Variants in CAMTA1 observed in about 807,000 individuals in gnomAD.
CAMTA1 encodes the protein calmodulin-binding transcription activator 1.
A neutral mutation model predicts 170.9 loss-of-function variants in CAMTA1; 27 were observed. That is an observed-to-expected ratio of 0.16 (90% CI 0.12 to 0.22). CAMTA1 has a LOEUF of 0.22. Ranked by LOEUF, CAMTA1 falls within the 10% of genes least tolerant of loss-of-function variation. CAMTA1 has a pLI of 1.00. For synonymous variants in CAMTA1, 833 were observed against 891.5 expected, an observed-to-expected ratio of 0.93 and a Z score of 1.17; for missense variants, 1,619 against 2,217.2, an observed-to-expected ratio of 0.73 and a Z score of 5.42.
chr1:6,830,279 C>T (rs1238146801), intron 3 of CAMTA1, among the ~76,000 whole-genome samples: 1 of 150,868 alleles, frequency 6.6e-6, no homozygotes, highest in Admixed American at 6.6e-5. Context: ...CTCCTGACCT[C>T]GTGATCCGCC....
intron 3 of CAMTA1, among the ~76,000 whole-genome samples, chr1:6,910,064 T>G (rs1679373298): frequency 6.6e-6 from 1 of 152,234 alleles, no homozygotes; most frequent in Admixed American, 6.5e-5. Context: ...GCAATCCTTG[T>G]TTGCTTTTGG....
chr1:6,882,661 G>A (rs1224210704), intron 3 of CAMTA1, among the ~76,000 whole-genome samples: 1 of 152,102 alleles, frequency 6.6e-6, no homozygotes, highest in African/African-American at 2.4e-5. Context: ...TCAATAGGCA[G>A]TCGTATGTTT....
intron 5 of CAMTA1, among the ~76,000 whole-genome samples, chr1:7,376,711 G>T (rs1015536029): frequency 7.2e-5 from 11 of 152,190 alleles, no homozygotes; most frequent in African/African-American, 2.2e-4. Flanking sequence ...ATGGAGGATG[G>T]TGGAGCTAGG....
At chr1:7,021,399 CTCTT>C (rs1701323693) in intron 3 of CAMTA1, among the ~76,000 whole-genome samples, 1 of 151,922 alleles carries the variant, frequency 6.6e-6, no homozygotes, top group Non-Finnish European at 1.5e-5. Context: ...CTCAGCTTCT[CTCTT>C]TGTCTGTCTG....
intron 4 of CAMTA1, among the ~76,000 whole-genome samples, chr1:7,135,775 T>G (rs1645505907): frequency 6.6e-6 from 1 of 152,174 alleles, no homozygotes. Flanking sequence ...TGACTCTCTA[T>G]CTGTCGTAAT....
chr1:6,864,907 T>C (rs550908523), intron 3 of CAMTA1, among the ~76,000 whole-genome samples: 2 of 152,194 alleles, frequency 1.3e-5, no homozygotes, highest in African/African-American at 2.4e-5. Flanking sequence ...CTGTTACCTG[T>C]ACTGAGCCTG....
At chr1:6,915,608 G>A (rs1335754560) in intron 3 of CAMTA1, among the ~76,000 whole-genome samples, 3 of 152,198 alleles carry the variant, frequency 2.0e-5, no homozygotes, top group Admixed American at 2.0e-4. Flanking sequence ...AGAAGGAGAG[G>A]ACTGTGGGAG....
At chr1:7,016,879 C>G (rs1437541154) in intron 3 of CAMTA1, among the ~76,000 whole-genome samples, 9 of 152,112 alleles carry the variant, frequency 5.9e-5, no homozygotes, top group Non-Finnish European at 1.3e-4. Flanking sequence ...TTCATTGCCT[C>G]TCTGTATTCT....
In CAMTA1 at chr1:7,093,212, A is replaced by G. The variant is rs546498161; in HGVS notation, c.302+1841A>G. Among the ~76,000 whole-genome samples, 99 of 152,234 alleles carry G rather than the reference A, an allele frequency of 6.5e-4. No individual in the cohort carries two copies. Among genetic ancestry groups the G allele is most frequent in the Non-Finnish European group, 1.2e-3 (84 of 68,004 alleles). On this transcript the variant is annotated intron_variant, in intron 4 of 22. Transcript: ENST00000303635. The surrounding 1 kb of genome is among the most constrained non-coding windows in gnomAD (Gnocchi z 4.6). ...CTCATTAAAATGCGGGCCCCACCCT[A>G]GGGTTTCTGATTCAGCAGGTGCGGT...
At chr1:6,892,597 CT>C (rs70984032) in intron 3 of CAMTA1, among the ~76,000 whole-genome samples, 36,464 of 120,630 alleles carry the variant, frequency 0.3, 4,071 homozygotes, top group Non-Finnish European at 0.36. Flanking sequence ...TTTTTCTTTT[CT>C]TTTTTTTTTT....
chr1:7,238,806 C>T (rs1330846709), intron 4 of CAMTA1, among the ~76,000 whole-genome samples: 2 of 152,196 alleles, frequency 1.3e-5, no homozygotes, highest in Non-Finnish European at 2.9e-5. Context: ...TTGCTTGAAC[C>T]CGGGAGGTGC....
chr1:7,742,789 T>C (rs2096827913), intron 16 of CAMTA1, among the ~76,000 whole-genome samples: 1 of 152,202 alleles, frequency 6.6e-6, no homozygotes, highest in Admixed American at 6.5e-5. Context: ...TCCTACCGTT[T>C]GAGTCACAAA....
At chr1:7,716,126 G>A (rs1041173644) in intron 11 of CAMTA1, among the ~76,000 whole-genome samples, 1 of 152,128 alleles carries the variant, frequency 6.6e-6, no homozygotes, top group African/African-American at 2.4e-5. Flanking sequence ...TCCACCTTCT[G>A]GGCTCACGTG....
In CAMTA1 at chr1:7,224,294, G is replaced by C. The variant is rs1661314141; in HGVS notation, c.303-25197G>C. ...GCTCAAGGTCAGGCTGTGCCCAGTG[G>C]CCGAGGCGCTTGGTGAGCTTTCCAC... On this transcript the variant is annotated intron_variant, in intron 4 of 22. Transcript: ENST00000303635. This position sits in a 1 kb window ranked among gnomAD's most constrained non-coding sequence, Gnocchi z 5.2. 6.6e-6 allele frequency among the ~76,000 whole-genome samples: 1 copy of C among 152,120 alleles called. No homozygotes were observed.
At chr1:6,900,653 A>C (rs1235887957) in intron 3 of CAMTA1, among the ~76,000 whole-genome samples, 2 of 152,220 alleles carry the variant, frequency 1.3e-5, no homozygotes, top group African/African-American at 2.4e-5. Context: ...AAACAATTGG[A>C]AGAGGAAACT....
intron 3 of CAMTA1, among the ~76,000 whole-genome samples, chr1:6,864,901 T>TA (rs779248261): frequency 7.9e-5 from 12 of 152,162 alleles, no homozygotes; most frequent in Non-Finnish European, 1.6e-4. Flanking sequence ...GTGTCCCTGT[T>TA]ACCTGTACTG....
intron 22 of CAMTA1, among the ~76,000 whole-genome samples, chr1:7,763,896 G>C (rs528504170): frequency 2.6e-5 from 4 of 152,176 alleles, no homozygotes; most frequent in Admixed American, 2.0e-4. Context: ...TTGTGAATGA[G>C]GTCTGTGCTA....
intron 11 of CAMTA1, among the ~76,000 whole-genome samples, chr1:7,724,150 A>G (rs1463757155): frequency 6.6e-6 from 1 of 152,208 alleles, no homozygotes; most frequent in African/African-American, 2.4e-5. Flanking sequence ...AAGTAAAGGA[A>G]TATGGAGAAA....
chr1:7,297,508 A>G (rs1574503244), intron 5 of CAMTA1, among the ~76,000 whole-genome samples: 1 of 152,192 alleles, frequency 6.6e-6, no homozygotes, highest in Non-Finnish European at 1.5e-5. Context: ...GACTTCTAGT[A>G]TCTCTGCTTA....
Sources: allele counts gnomAD v4.1 joint callset (sites outside exome capture counted in the v4.1 genomes callset), GRCh38; gene constraint gnomAD v4.1.1; non-coding constraint Gnocchi (gnomAD v3.1); transcripts MANE v1.5; gene names NCBI Gene and HGNC (gene_info 2026-07-23, HGNC 2026-07-21).